KCNK2: variants seen among roughly 807,000 people sequenced by gnomAD.
The protein encoded by KCNK2 is potassium channel subfamily K member 2.
A neutral mutation model predicts 40.5 loss-of-function variants in KCNK2; 21 were observed. The ratio of observed to expected loss-of-function variants is 0.52; its 90% CI spans 0.37 to 0.75. The LOEUF is 0.75. Ranked by LOEUF, KCNK2 falls within the 30% of genes least tolerant of loss-of-function variation. The pLI is 0.00. For synonymous variants in KCNK2, 191 were observed against 202.2 expected (o/e 0.94, Z 0.47); for missense variants, 399 against 531.6 (o/e 0.75, Z 2.45).
chr1:215,086,663 G>C lies in KCNK2; in HGVS notation c.342G>C (p.Leu114=), dbSNP rs1297952605. The C allele has an allele frequency of 6.2e-7, 1 of 1,613,392 alleles. No homozygotes were observed. Residue 114 remains leucine, a synonymous_variant, in exon 2 of 7, where the codon CTG becomes CTC. Coordinates refer to ENST00000444842, the MANE Select transcript of KCNK2 (RefSeq NM_001017425.3). The part of the protein sequence containing the change: ...SQHSCVNSTE[L]DELIQQIVAA... ...ATTCCTGTGTCAATTCGACGGAGCT[G>C]GATGAACTCATTCAGGTAATGGCAT... is the stretch of plus-strand genomic sequence containing the variant.
upstream of KCNK2, chr1:215,005,811 T>C (rs1656107028): frequency 1.1e-6 from 1 of 932,612 alleles, no homozygotes; most frequent in Admixed American, 1.8e-5. Context: ...TATGGGACGA[T>C]GGCTTGTTAG....
intron 6 of KCNK2, among the ~76,000 whole-genome samples, chr1:215,229,828 C>A (rs34938215): frequency 0.12 from 18,575 of 151,654 alleles, 1,646 homozygotes; most frequent in Non-Finnish European, 0.19. Context: ...CTTAATGTAA[C>A]CCGCTATAGG....
chr1:215,171,902 TTCTCTCTCTCTCTCTTTGTCTCTC>T, intron 4 of KCNK2, 71 bp from the exon 5 acceptor site: 1 of 787,716 alleles, frequency 1.3e-6, no homozygotes, highest in Non-Finnish European at 1.8e-6. Flanking sequence ...TACAAGTAAT[TTCTCTCTCTCTCTCTTTGTCTCTC>T]TCTCTCTCTC....
At chr1:215,010,868 T>TTGTGTG (rs1310617219) in intron 1 of KCNK2, among the ~76,000 whole-genome samples, 2 of 135,744 alleles carry the variant, frequency 1.5e-5, no homozygotes, top group East Asian at 2.2e-4. Context: ...TTTTTTTTTT[T>TTGTGTG]TGTGTGTGTG....
Position 215,220,193 on chromosome 1 carries a change from A to T in KCNK2, c.964-14635A>T, listed in dbSNP as rs558522621. On this transcript the variant is annotated intron_variant, in intron 6 of 6. Coordinates refer to ENST00000444842, the MANE Select transcript of KCNK2 (RefSeq NM_001017425.3). The stretch of plus-strand genomic sequence containing the variant: ...TTGAGAACCATGAATTCATACTGGT[A>T]TCTCTAGTTCCAATCTGATATAATA... Among the ~76,000 whole-genome samples the T allele has an allele frequency of 2.0e-4, 30 of 152,308 alleles. No individual in the cohort carries two copies. The South Asian group carries it at 6.2e-3, about 32-fold the overall frequency.
In KCNK2 at chr1:215,230,139, A is replaced by G. The variant is rs992648053; in HGVS notation, c.964-4689A>G. On this transcript the variant is annotated intron_variant, in intron 6 of 6. Transcript: ENST00000444842. The stretch of plus-strand genomic sequence containing the variant: ...CACACACACACACACACGGTCATGC[A>G]TTGCTTAAAGATGGAGCTATGTTAT... Among the ~76,000 whole-genome samples the G allele has an allele frequency of 2.8e-5, 4 of 145,270 alleles. No homozygotes were observed. The East Asian group carries it at 8.3e-4, about 30-fold the overall frequency.
At chr1:215,146,221 T>C (rs1332642212) in intron 3 of KCNK2, among the ~76,000 whole-genome samples, 1 of 152,128 alleles carries the variant, frequency 6.6e-6, no homozygotes, top group Non-Finnish European at 1.5e-5. Context: ...ACAGGTAGAT[T>C]ATTATTGTTC....
chr1:215,062,974 C>T (rs1282126675), intron 1 of KCNK2, among the ~76,000 whole-genome samples: 1 of 152,002 alleles, frequency 6.6e-6, no homozygotes, highest in Non-Finnish European at 1.5e-5. Flanking sequence ...AAAGGATAAA[C>T]TTGGGTCTAG....
chr1:215,098,914 T>C (rs1193892754), intron 2 of KCNK2, among the ~76,000 whole-genome samples: 1 of 151,966 alleles, frequency 6.6e-6, no homozygotes, highest in Non-Finnish European at 1.5e-5. Context: ...TCAAAGATAT[T>C]ATTCTCTATG....
chr1:215,188,001 T>G (rs567063033), intron 5 of KCNK2, among the ~76,000 whole-genome samples: 1 of 152,248 alleles, frequency 6.6e-6, no homozygotes, highest in South Asian at 2.1e-4. Flanking sequence ...TTACCTAGTT[T>G]TCTAATAAAA....
At chr1:215,219,747 A>G (rs1031995485) in intron 6 of KCNK2, among the ~76,000 whole-genome samples, 11 of 152,114 alleles carry the variant, frequency 7.2e-5, no homozygotes, top group Admixed American at 7.2e-4. Context: ...TTGTTTGTTT[A>G]TTTATGTGAA....
chr1:215,236,092 CT>C lies in KCNK2; in HGVS notation c.*948del, dbSNP rs1419662049. ...TCTATCTATCTATCTATCTATCTAT[CT>C]ATCTAAATGACCTGACAGAAGAAAA... On this transcript the variant is annotated 3_prime_UTR_variant, in exon 7 of 7. Coordinates refer to ENST00000444842, the MANE Select transcript of KCNK2 (RefSeq NM_001017425.3). The C allele has an allele frequency of 1.3e-5, 2 of 150,938 alleles. No individual in the cohort carries two copies. Among genetic ancestry groups the C allele is most frequent in the Non-Finnish European group, 3.0e-5 (2 of 67,476 alleles). The allele number at this position is 150,938 out of a possible 1,614,324, so 9.3% of individuals were successfully genotyped here. A position where few individuals can be genotyped will look rare whatever the true frequency, so the allele number is the denominator to read the frequency against.
intron 3 of KCNK2, among the ~76,000 whole-genome samples, chr1:215,161,328 C>T (rs1663183985): frequency 6.6e-6 from 1 of 152,108 alleles, no homozygotes; most frequent in Admixed American, 6.6e-5. Flanking sequence ...CAAGAACTTA[C>T]ATGTATTGTT....
chr1:215,236,648 T>A lies in KCNK2; in HGVS notation c.*1503T>A, dbSNP rs1176234349. On this transcript the variant is annotated 3_prime_UTR_variant, in exon 7 of 7. Transcript: ENST00000444842. ...ACCCCGTAAATTGCTACCCTTTCCT[T>A]TATTTTCATACTTAGATCTGCTGTA... 1 of 152,494 alleles carries A rather than the reference T, an allele frequency of 6.6e-6. No homozygotes were observed. Among genetic ancestry groups the A allele is most frequent in the Non-Finnish European group, 1.5e-5 (1 of 68,022 alleles). The allele number at this position is 152,494 out of a possible 1,614,324, so 9.4% of individuals were successfully genotyped here.
intron 5 of KCNK2, among the ~76,000 whole-genome samples, chr1:215,180,300 T>C (rs4394614): frequency 0.56 from 84,606 of 151,924 alleles, 25,854 homozygotes; most frequent in Non-Finnish European, 0.68. Flanking sequence ...AGGTCTTGGA[T>C]TGTGTTTCCA....
intron 3 of KCNK2, among the ~76,000 whole-genome samples, chr1:215,137,844 C>A (rs567055867): frequency 6.6e-6 from 1 of 152,054 alleles, no homozygotes; most frequent in South Asian, 2.1e-4. Context: ...CCCTGTTTTT[C>A]ATCGAAGATT....
intron 3 of KCNK2, among the ~76,000 whole-genome samples, chr1:215,159,091 T>C (rs1296732640): frequency 1.3e-5 from 2 of 152,204 alleles, no homozygotes; most frequent in African/African-American, 4.8e-5. Context: ...CATGCAAGCT[T>C]TCTAGGCCTT....
At position 215,116,202 on chromosome 1, in the gene KCNK2, G is replaced by A. The variant is rs572293369; in HGVS notation, c.358-8431G>A. ...AGTCCTTAAAAATGATAGCTCTGAA[G>A]ACTACAAAATGCCTTGGAATATGCT... On this transcript the variant is annotated intron_variant, in intron 2 of 6. Coordinates refer to ENST00000444842, the MANE Select transcript of KCNK2 (RefSeq NM_001017425.3). Among the ~76,000 whole-genome samples, 7 of 152,094 alleles carry A rather than the reference G, an allele frequency of 4.6e-5. No homozygotes were observed. In the East Asian group the frequency reaches 1.4e-3, roughly 29 times the overall value.
At chr1:215,108,307 T>C (rs1230058459) in intron 2 of KCNK2, among the ~76,000 whole-genome samples, 2 of 152,106 alleles carry the variant, frequency 1.3e-5, no homozygotes, top group African/African-American at 4.8e-5. Context: ...TGGATATGTG[T>C]AGGTTATATG....
Sources: allele counts gnomAD v4.1 joint callset (sites outside exome capture counted in the v4.1 genomes callset), GRCh38; gene constraint gnomAD v4.1.1; transcripts MANE v1.5; gene names NCBI Gene and HGNC (gene_info 2026-07-23, HGNC 2026-07-21).